Variants in PDE7B observed in about 807,000 individuals in gnomAD.
The protein encoded by PDE7B is 3',5'-cyclic-AMP phosphodiesterase 7B.
Under a neutral mutation model 56.2 loss-of-function variants are expected in PDE7B, and 29 were observed. The observed-to-expected ratio is 0.52, with a 90% confidence interval of 0.38 to 0.70. The LOEUF (loss-of-function observed/expected upper bound fraction) is 0.70, where lower values mean the gene tolerates loss of function less well. Among genes scored for constraint, PDE7B ranks in the 30% least tolerant of loss-of-function variants. PDE7B has a pLI of 0.00. For synonymous variants in PDE7B, 197 were observed against 196.9 expected, an observed-to-expected ratio of 1.00 and a Z score of 0.00; for missense variants, 490 against 565.0, an observed-to-expected ratio of 0.87 and a Z score of 1.35.
At chr6:135,987,311 G>C (rs1460689187) in intron 2 of PDE7B, among the ~76,000 whole-genome samples, 1 of 152,172 alleles carries the variant, frequency 6.6e-6, no homozygotes, top group Non-Finnish European at 1.5e-5. Context: ...GGTGATGCCA[G>C]TTCATAGGAG....
intron 2 of PDE7B, among the ~76,000 whole-genome samples, chr6:136,041,590 A>G (rs1562477485): frequency 6.6e-6 from 1 of 152,362 alleles, no homozygotes; most frequent in East Asian, 1.9e-4. Flanking sequence ...TCACCTTCAC[A>G]TGTTAGATCT....
chr6:135,905,500 C>T (rs921310636), intron 1 of PDE7B, among the ~76,000 whole-genome samples: 1 of 152,116 alleles, frequency 6.6e-6, no homozygotes, highest in African/African-American at 2.4e-5. Flanking sequence ...ACATCCAATA[C>T]GGTCTCCTTT....
chr6:136,054,541 C>G lies in PDE7B; in HGVS notation c.83-54190C>G, dbSNP rs139667757. 1.5e-3 allele frequency among the ~76,000 whole-genome samples: 231 copies of G among 152,244 alleles called. 1 individual carries two copies. The highest frequency in any genetic ancestry group is 5.2e-3 in the African/African-American group (214 of 41,542). ...TAGGATTGACTTGGCAATGCGAGCC[C>G]TTTTTTGGTTCCATATGAACTTTAA... On this transcript the variant is annotated intron_variant, in intron 2 of 12. Coordinates refer to ENST00000308191, the MANE Select transcript of PDE7B (RefSeq NM_018945.4).
chr6:135,872,947 T>G (rs1430160196), intron 1 of PDE7B, among the ~76,000 whole-genome samples: 2 of 152,154 alleles, frequency 1.3e-5, no homozygotes, highest in Non-Finnish European at 2.9e-5. Context: ...TTATGTTCTG[T>G]TTTTGAAAAC....
chr6:135,963,624 T>G (rs1266215707), intron 2 of PDE7B, among the ~76,000 whole-genome samples: 1 of 152,182 alleles, frequency 6.6e-6, no homozygotes. Context: ...TGTCCTGCAT[T>G]TTACAGCTTT....
At chr6:135,978,244 A>T (rs1775226783) in intron 2 of PDE7B, among the ~76,000 whole-genome samples, 1 of 152,174 alleles carries the variant, frequency 6.6e-6, no homozygotes, top group South Asian at 2.1e-4. Context: ...TAGTGGACAG[A>T]ATTTGTGTAT....
At chr6:135,987,815 C>T (rs570817298) in intron 2 of PDE7B, among the ~76,000 whole-genome samples, 2 of 151,744 alleles carry the variant, frequency 1.3e-5, no homozygotes, top group South Asian at 4.2e-4. Context: ...GAAGAGGAAG[C>T]AAATAATAAA....
chr6:136,169,047 T>C (rs1778840941), intron 8 of PDE7B, among the ~76,000 whole-genome samples: 1 of 152,126 alleles, frequency 6.6e-6, no homozygotes, highest in South Asian at 2.1e-4. Context: ...TCTGCAGGCA[T>C]AAGTGAGGCC....
In PDE7B at chr6:136,192,376, T is replaced by G. The variant is rs1302577593; in HGVS notation, c.*536T>G. On this transcript the variant is annotated 3_prime_UTR_variant, in exon 13 of 13. Coordinates refer to ENST00000308191, the MANE Select transcript of PDE7B (RefSeq NM_018945.4). ...ATAAATCTTTTTAACTTTTATATTT[T>G]ATGCACTAGACAATGGATCTGCAAC... is the stretch of plus-strand genomic sequence containing the variant. 6.6e-6 allele frequency: 1 copy of G among 152,194 alleles called. No homozygotes were observed. Among genetic ancestry groups the G allele is most frequent in the Non-Finnish European group, 1.5e-5 (1 of 68,032 alleles). 9.4% of individuals were successfully genotyped at this position (152,194 alleles called of 1,614,324 possible).
rs1241537038 is a variant in PDE7B at position 136,188,569 on chromosome 6, GA to G, written c.1126+1456del. Among the ~76,000 whole-genome samples the G allele has an allele frequency of 2.0e-5, 3 of 152,164 alleles. No individual in the cohort carries two copies. In the East Asian group the frequency reaches 5.8e-4, roughly 29 times the overall value. ...CCCTGTGTTAAGCTCCAGCTGGAAA[GA>G]AATTTACCAGGCAACTGTCAATGAC... On this transcript the variant is annotated intron_variant, in intron 12 of 12. Coordinates refer to ENST00000308191, the MANE Select transcript of PDE7B (RefSeq NM_018945.4).
At chr6:136,154,488 G>A (rs1778575405) in intron 7 of PDE7B, among the ~76,000 whole-genome samples, 1 of 151,048 alleles carries the variant, frequency 6.6e-6, no homozygotes, top group African/African-American at 2.4e-5. Context: ...CATAGAACTA[G>A]CTCCGTGCCT....
intron 1 of PDE7B, among the ~76,000 whole-genome samples, chr6:135,895,924 C>T (rs1210768704): frequency 6.6e-6 from 1 of 152,160 alleles, no homozygotes; most frequent in African/African-American, 2.4e-5. Context: ...CCTAGGCTCT[C>T]CTGAAATCTG....
At position 136,191,828 on chromosome 6, in the gene PDE7B, C is replaced by T. The variant is rs760319252; in HGVS notation, c.1341C>T (p.Gly447=). The T allele has an allele frequency of 4.5e-6, 7 of 1,550,728 alleles. No homozygotes were observed. The highest frequency in any genetic ancestry group is 2.1e-4 in the Middle Eastern group (1 of 4,700). Residue 447 remains glycine (G), a synonymous_variant, in exon 13 of 13, where the codon GGC becomes GGT. Coordinates refer to ENST00000308191, the MANE Select transcript of PDE7B (RefSeq NM_018945.4). ...GQGTESEEQE[G]DSP ...GGACTGAGAGCGAGGAGCAGGAAGG[C>T]GACAGCCCCTAGGGGCCGGCCCAAC...
intron 2 of PDE7B, among the ~76,000 whole-genome samples, chr6:136,043,564 T>C (rs1409061896): frequency 9.8e-6 from 1 of 102,504 alleles, no homozygotes; most frequent in East Asian, 2.5e-4. Flanking sequence ...CGGGATTAAA[T>C]GACATAATAG....
At chr6:135,898,464 T>C (rs1362399448) in intron 1 of PDE7B, among the ~76,000 whole-genome samples, 2 of 152,182 alleles carry the variant, frequency 1.3e-5, no homozygotes, top group Admixed American at 6.6e-5. Context: ...AGAGACAGAA[T>C]ATTTTGTTTG....
At chr6:136,079,696 T>C (rs1365565035) in intron 2 of PDE7B, among the ~76,000 whole-genome samples, 1 of 134,984 alleles carries the variant, frequency 7.4e-6, no homozygotes, top group South Asian at 2.3e-4. Flanking sequence ...AAGTCGCAAC[T>C]GAAGAGACCA....
chr6:136,191,526 G>T (rs1018345476), intron 12 of PDE7B, 88 bp from the exon 13 acceptor site: 8 of 1,102,328 alleles, frequency 7.3e-6, no homozygotes, highest in Non-Finnish European at 1.1e-5. Flanking sequence ...AATTAGCCGG[G>T]CGTGGTGGGT....
In PDE7B at chr6:135,910,014, C is replaced by A. The variant is rs184060826; in HGVS notation, c.22-37450C>A. Reference sequence around the variant, plus strand: ...AGAGACTGTTCCTGTTGCTTGCTACCTAAAATCCTGACAGGTGTATTGCTT... The same window carrying A: ...AGAGACTGTTCCTGTTGCTTGCTACATAAAATCCTGACAGGTGTATTGCTT... On this transcript the variant is annotated intron_variant, in intron 1 of 12. Coordinates refer to ENST00000308191, the MANE Select transcript of PDE7B (RefSeq NM_018945.4). 1.8e-4 allele frequency among the ~76,000 whole-genome samples: 28 copies of A among 152,306 alleles called. No individual in the cohort carries two copies. The East Asian group carries it at 5.4e-3, about 29-fold the overall frequency.
intron 3 of PDE7B, among the ~76,000 whole-genome samples, chr6:136,115,597 A>G (rs1213745361): frequency 6.6e-6 from 1 of 152,244 alleles, no homozygotes; most frequent in Non-Finnish European, 1.5e-5. Flanking sequence ...AAGTGAAAAC[A>G]GCCATTGCCT....
Sources: allele counts gnomAD v4.1 joint callset (sites outside exome capture counted in the v4.1 genomes callset), GRCh38; gene constraint gnomAD v4.1.1; transcripts MANE v1.5; gene names NCBI Gene and HGNC (gene_info 2026-07-23, HGNC 2026-07-21).